MYLK: variants seen among roughly 807,000 people sequenced by gnomAD.
MYLK encodes the protein myosin light chain kinase, smooth muscle.
Under a neutral mutation model 203.4 loss-of-function variants are expected in MYLK, and 106 were observed. That is an observed-to-expected ratio of 0.52 (90% CI 0.45 to 0.61). MYLK has a LOEUF of 0.61. Among genes scored for constraint, MYLK ranks in the 20% least tolerant of loss-of-function variants. The pLI, the probability that MYLK is intolerant of heterozygous loss-of-function variation, is 0.00. For missense variants in MYLK, 2,072 were observed against 2,442.3 expected (o/e 0.85, Z 3.20); for synonymous variants, 867 against 959.5 (o/e 0.90, Z 1.78).
At position 123,613,943 on chromosome 3, in the gene MYLK, T is replaced by G. The variant is rs1022483911; in HGVS notation, c.*162A>C. The G allele has an allele frequency of 1.0e-5, 8 of 790,508 alleles. No individual in the cohort carries two copies. Among genetic ancestry groups the G allele is most frequent in the African/African-American group, 1.7e-5 (1 of 57,576 alleles). The allele number at this position is 790,508 out of a possible 1,614,324, so 49.0% of individuals were successfully genotyped here. A position where few individuals can be genotyped will look rare whatever the true frequency, so the allele number is the denominator to read the frequency against. On this transcript the variant is annotated 3_prime_UTR_variant, in exon 34 of 34. Coordinates refer to ENST00000360304, the MANE Select transcript of MYLK (RefSeq NM_053025.4). ...GATTAATGCCCATCAATAACGCTGCTAGGTATCAACTGCTGTTTCTGAAGA... is the reference window on the plus strand; with the variant it reads ...GATTAATGCCCATCAATAACGCTGCGAGGTATCAACTGCTGTTTCTGAAGA...
chr3:123,779,126 C>T (rs1385189450), intron 4 of MYLK, among the ~76,000 whole-genome samples: 1 of 152,214 alleles, frequency 6.6e-6, no homozygotes, highest in Non-Finnish European at 1.5e-5. Flanking sequence ...CAGAAACAGT[C>T]TTTCCCCACT....
chr3:123,856,081 G>A (rs2031343713), intron 2 of MYLK, among the ~76,000 whole-genome samples: 2 of 152,132 alleles, frequency 1.3e-5, no homozygotes, highest in African/African-American at 4.8e-5. Context: ...CTGGGGCCTG[G>A]GCACCTGAGT....
intron 19 of MYLK, among the ~76,000 whole-genome samples, chr3:123,683,938 A>T (rs1314170344): frequency 6.6e-6 from 1 of 152,152 alleles, no homozygotes; most frequent in Non-Finnish European, 1.5e-5. Flanking sequence ...GGAGCCCCAG[A>T]TGGCACATCA....
intron 4 of MYLK, among the ~76,000 whole-genome samples, chr3:123,771,328 CAT>C (rs1177376175): frequency 2.6e-5 from 4 of 152,280 alleles, no homozygotes; most frequent in Admixed American, 1.3e-4. Flanking sequence ...CTGAAAATCT[CAT>C]TTTTATCAAC....
intron 32 of MYLK, 62 bp downstream of exon 32, chr3:123,620,145 A>G: frequency 1.4e-6 from 2 of 1,434,254 alleles, no homozygotes; most frequent in East Asian, 4.5e-5. Context: ...AAAACCTCAA[A>G]ATGCCCCTTT....
intron 13 of MYLK, among the ~76,000 whole-genome samples, chr3:123,721,389 C>G (rs982010487): frequency 7.9e-5 from 12 of 152,260 alleles, no homozygotes; most frequent in Middle Eastern, 6.8e-3. Flanking sequence ...AAGCCCTGGA[C>G]CCAAGAAGCA....
In MYLK at chr3:123,620,220, T is replaced by A; in HGVS notation, c.5355A>T (p.Lys1785Asn). ...GSPTSPLNAE[K>N]LESEEDVSQA... ...ACTCCTCCTTACCTTCAGATTCTAGTTTTTCTGCATTGAGCGGGCTGGTTG... is the reference window on the plus strand; with the variant it reads ...ACTCCTCCTTACCTTCAGATTCTAGATTTTCTGCATTGAGCGGGCTGGTTG... Residue 1785 changes from lysine to asparagine, a missense_variant, in exon 32 of 34, where the codon AAA becomes AAT. Physicochemically the swap from Lys to Asn is moderately conservative, Grantham distance 94 (BLOSUM62 0). This residue lies in a region of MYLK where 524 missense variants were observed against 782.4 expected (regional missense o/e 0.67). Transcript: ENST00000360304. 6.2e-7 allele frequency: 1 copy of A among 1,614,114 alleles called. No homozygotes were observed.
At chr3:123,620,707 G>A in intron 31 of MYLK, 1 of 987,454 alleles carries the variant, frequency 1.0e-6, no homozygotes, top group Non-Finnish European at 1.2e-6. Flanking sequence ...ACTGGGCCTA[G>A]CGGGGCTATT....
intron 4 of MYLK, among the ~76,000 whole-genome samples, chr3:123,754,331 AT>A: frequency 6.6e-6 from 1 of 152,314 alleles, no homozygotes; most frequent in Non-Finnish European, 1.5e-5. Context: ...GTCCCCACTA[AT>A]TTGTGGTCAA....
intron 29 of MYLK, among the ~76,000 whole-genome samples, chr3:123,630,980 T>A (rs9844173): frequency 1.3e-5 from 2 of 151,912 alleles, no homozygotes; most frequent in African/African-American, 4.8e-5. Context: ...ACAGGCCCTG[T>A]GCTTGGTTTA....
At chr3:123,878,334 G>A (rs1034154267) in intron 1 of MYLK, among the ~76,000 whole-genome samples, 27 of 152,212 alleles carry the variant, frequency 1.8e-4, no homozygotes, top group Non-Finnish European at 5.9e-5. Flanking sequence ...AGACAGTGCT[G>A]AAGCTAGCCC....
At chr3:123,859,468 G>A (rs986126448) in intron 2 of MYLK, among the ~76,000 whole-genome samples, 5 of 152,178 alleles carry the variant, frequency 3.3e-5, no homozygotes, top group African/African-American at 1.2e-4. Context: ...CTCCAAGTCC[G>A]TGACAAGTTT....
chr3:123,743,551 AG>A (rs2062923921), intron 5 of MYLK, among the ~76,000 whole-genome samples: 1 of 152,232 alleles, frequency 6.6e-6, no homozygotes, highest in Non-Finnish European at 1.5e-5. Context: ...TAGAAAAATA[AG>A]TGGAAAGGGG....
chr3:123,807,103 G>A (rs1458013758), intron 3 of MYLK, among the ~76,000 whole-genome samples: 1 of 152,116 alleles, frequency 6.6e-6, no homozygotes, highest in East Asian at 1.9e-4. Context: ...ATCCAACTTG[G>A]CAACATGCTT....
intron 19 of MYLK, among the ~76,000 whole-genome samples, chr3:123,685,715 C>G (rs2060429887): frequency 6.6e-6 from 1 of 152,042 alleles, no homozygotes; most frequent in Admixed American, 6.5e-5. Flanking sequence ...TTAAAATTTT[C>G]CACCTTCAGA....
chr3:123,652,887 G>C (rs1389754832), intron 24 of MYLK, among the ~76,000 whole-genome samples: 3 of 152,110 alleles, frequency 2.0e-5, no homozygotes, highest in African/African-American at 7.2e-5. Flanking sequence ...AGTGGCTCTG[G>C]CATAGAGAAG....
intron 16 of MYLK, among the ~76,000 whole-genome samples, chr3:123,701,869 T>C (rs1410495678): frequency 6.6e-6 from 1 of 152,242 alleles, no homozygotes; most frequent in Non-Finnish European, 1.5e-5. Flanking sequence ...GGAACTGTGA[T>C]GTAGCAGGTT....
chr3:123,636,945 C>T (rs1014617636), intron 29 of MYLK, among the ~76,000 whole-genome samples: 2 of 151,440 alleles, frequency 1.3e-5, no homozygotes, highest in African/African-American at 2.4e-5. Flanking sequence ...TCACATTGCA[C>T]AAAATTCACA....
chr3:123,803,860 T>C (rs2065278087), intron 3 of MYLK, among the ~76,000 whole-genome samples: 1 of 152,244 alleles, frequency 6.6e-6, no homozygotes, highest in Non-Finnish European at 1.5e-5. Flanking sequence ...TTCTAGCTCC[T>C]CTGCTTCTGG....
Sources: allele counts gnomAD v4.1 joint callset (sites outside exome capture counted in the v4.1 genomes callset), GRCh38; gene constraint gnomAD v4.1.1; regional missense constraint gnomAD v4.1.1; transcripts MANE v1.5; gene names NCBI Gene and HGNC (gene_info 2026-07-23, HGNC 2026-07-21).